ABCD3: variants seen among roughly 807,000 people sequenced by gnomAD.
The protein encoded by ABCD3 is ATP-binding cassette sub-family D member 3.
ABCD3 carries 41 observed loss-of-function variants against 105.5 expected under a neutral mutation model. The observed-to-expected ratio is 0.39, with a 90% CI of 0.30 to 0.50. The LOEUF (loss-of-function observed/expected upper bound fraction) is 0.50. Among genes scored for constraint, ABCD3 ranks in the 20% least tolerant of loss-of-function variants. The pLI is 0.84. For missense variants in ABCD3, 622 were observed against 806.3 expected (o/e 0.77, Z 2.77); for synonymous variants, 258 against 269.0 (o/e 0.96, Z 0.40).
intron 1 of ABCD3, among the ~76,000 whole-genome samples, chr1:94,437,847 G>A (rs1453031916): frequency 1.3e-5 from 2 of 152,170 alleles, no homozygotes; most frequent in Non-Finnish European, 2.9e-5. Context: ...ACATTAATGG[G>A]ATTTTGGAAG....
the ABCD3 span, among the ~76,000 whole-genome samples, chr1:94,408,197 A>G: frequency 6.6e-6 from 1 of 152,226 alleles, no homozygotes; most frequent in Non-Finnish European, 1.5e-5. Flanking sequence ...GAGGGTAGAG[A>G]AAGATAGAGA....
intron 1 of ABCD3, among the ~76,000 whole-genome samples, chr1:94,421,231 G>GT (rs1167050937): frequency 2.0e-5 from 3 of 151,910 alleles, no homozygotes; most frequent in South Asian, 2.1e-4. Context: ...ATTTTTATAG[G>GT]TTTTTTAGGT....
upstream of ABCD3, among the ~76,000 whole-genome samples, chr1:94,416,990 T>G (rs188261612): frequency 6.6e-6 from 1 of 152,354 alleles, no homozygotes; most frequent in East Asian, 1.9e-4. Flanking sequence ...AACACAAAAA[T>G]GGACAATTTT....
chr1:94,485,962 C>T lies in ABCD3; in HGVS notation c.898-1580C>T, dbSNP rs149128473. The stretch of plus-strand genomic sequence containing the variant: ...ATCCCAGCACTTTGGGAGGCTGAGG[C>T]GGGCAGATCAGTTGAGGTCAGGAGT... On this transcript the variant is annotated intron_variant, in intron 10 of 22. Coordinates refer to ENST00000370214, the MANE Select transcript of ABCD3 (RefSeq NM_002858.4). Among the ~76,000 whole-genome samples the T allele has an allele frequency of 8.6e-3, 1,309 of 152,132 alleles. 27 individuals are homozygous for T. Among genetic ancestry groups the T allele is most frequent in the African/African-American group, 0.03 (1,246 of 41,488 alleles).
At chr1:94,408,607 AC>A in the ABCD3 span, among the ~76,000 whole-genome samples, 1 of 151,994 alleles carries the variant, frequency 6.6e-6, no homozygotes, top group East Asian at 1.9e-4. Flanking sequence ...AAACAAACAA[AC>A]AAAAAAATCA....
At chr1:94,490,705 A>G (rs889643880) in intron 15 of ABCD3, among the ~76,000 whole-genome samples, 1 of 152,068 alleles carries the variant, frequency 6.6e-6, no homozygotes, top group Admixed American at 6.6e-5. Flanking sequence ...TATATGGACT[A>G]TTGTAAATAA....
chr1:94,411,491 T>C, the ABCD3 span, among the ~76,000 whole-genome samples: 1 of 152,194 alleles, frequency 6.6e-6, no homozygotes, highest in Non-Finnish European at 1.5e-5. Flanking sequence ...TAACAACTGT[T>C]GGCAAGGATG....
intron 1 of ABCD3, among the ~76,000 whole-genome samples, chr1:94,455,117 T>G (rs1647483241): frequency 6.6e-6 from 1 of 152,242 alleles, no homozygotes; most frequent in Admixed American, 6.5e-5. Context: ...AGCCCACATG[T>G]ATGATAAATC....
chr1:94,484,629 C>T (rs902818195), intron 10 of ABCD3, among the ~76,000 whole-genome samples: 1 of 151,992 alleles, frequency 6.6e-6, no homozygotes, highest in African/African-American at 2.4e-5. Context: ...CACACCGGGG[C>T]CTGTTGTGGG....
At chr1:94,474,700 A>G (rs1412610365) in intron 5 of ABCD3, among the ~76,000 whole-genome samples, 1 of 151,154 alleles carries the variant, frequency 6.6e-6, no homozygotes, top group Non-Finnish European at 1.5e-5. Flanking sequence ...GGAAAATAGC[A>G]TTAGTTGGTG....
chr1:94,411,297 A>C, the ABCD3 span, among the ~76,000 whole-genome samples: 21 of 152,304 alleles, frequency 1.4e-4, no homozygotes, highest in African/African-American at 5.1e-4. Flanking sequence ...AGAGACAATC[A>C]ACTCTATAAA....
chr1:94,427,613 C>T (rs1659517270), intron 1 of ABCD3, among the ~76,000 whole-genome samples: 1 of 152,146 alleles, frequency 6.6e-6, no homozygotes. Flanking sequence ...GATCTTCCTA[C>T]ATTTTCTTTG....
At chr1:94,436,890 C>T (rs147336846) in intron 1 of ABCD3, among the ~76,000 whole-genome samples, 1 of 152,274 alleles carries the variant, frequency 6.6e-6, no homozygotes, top group East Asian at 1.9e-4. Flanking sequence ...TGATAAGAAA[C>T]AGCCTTATTG....
chr1:94,456,981 G>A (rs1647605027), intron 1 of ABCD3, among the ~76,000 whole-genome samples: 1 of 152,034 alleles, frequency 6.6e-6, no homozygotes, highest in South Asian at 2.1e-4. Flanking sequence ...GTTTTGATTT[G>A]CATTTTTCTG....
chr1:94,510,520 G>A (rs1487175824), intron 21 of ABCD3, among the ~76,000 whole-genome samples: 1 of 151,958 alleles, frequency 6.6e-6, no homozygotes, highest in Non-Finnish European at 1.5e-5. Context: ...TTGGTGCAGA[G>A]CTGAGTTCAA....
intron 4 of ABCD3, among the ~76,000 whole-genome samples, chr1:94,469,718 T>C (rs1570786221): frequency 1.5e-5 from 2 of 136,718 alleles, no homozygotes; most frequent in East Asian, 4.4e-4. Flanking sequence ...CAGGCTGGAG[T>C]GCAGCGGCGC....
At position 94,485,741 on chromosome 1, in the gene ABCD3, C is replaced by T. The variant is rs115448500; in HGVS notation, c.898-1801C>T. Among the ~76,000 whole-genome samples, 1,400 of 152,278 alleles carry T rather than the reference C, an allele frequency of 9.2e-3. 26 individuals are homozygous for T. The highest frequency in any genetic ancestry group is 0.033 in the African/African-American group (1,354 of 41,540). ...TCTGTGGGTTCCAAATCCATGGATT[C>T]AACCACACAGATTGAAAATATTCAG... On this transcript the variant is annotated intron_variant, in intron 10 of 22. Coordinates refer to ENST00000370214, the MANE Select transcript of ABCD3 (RefSeq NM_002858.4).
intron 15 of ABCD3, 43 bp from the exon 16 acceptor site, chr1:94,491,141 A>T: frequency 1.4e-6 from 2 of 1,389,798 alleles, no homozygotes; most frequent in Non-Finnish European, 1.0e-6. Context: ...TTAGTTCCTT[A>T]TATACTTTAA....
the ABCD3 span, among the ~76,000 whole-genome samples, chr1:94,403,373 C>T: frequency 6.6e-6 from 1 of 152,114 alleles, no homozygotes; most frequent in African/African-American, 2.4e-5. Flanking sequence ...ACTATGTTTT[C>T]TCCATTGTAA....
Sources: gnomAD v4.1 joint callset for allele counts (sites outside exome capture counted in the v4.1 genomes callset) on GRCh38, gnomAD v4.1.1 for gene constraint, MANE v1.5 for transcripts, NCBI Gene and HGNC (gene_info 2026-07-23, HGNC 2026-07-21) for gene names.